Variants in SYTL3 observed in about 807,000 individuals in gnomAD.
SYTL3 encodes the protein synaptotagmin-like protein 3.
A neutral mutation model predicts 82.1 loss-of-function variants in SYTL3; 88 were observed. That is an observed-to-expected ratio of 1.07 (90% CI 0.90 to 1.28). The LOEUF is 1.28. Among genes scored for constraint, SYTL3 ranks in the 50% most tolerant of loss-of-function variants. The pLI is 0.00. For synonymous variants in SYTL3, 311 were observed against 289.4 expected, an observed-to-expected ratio of 1.07 and a Z score of -0.76; for missense variants, 831 against 757.6, an observed-to-expected ratio of 1.10 and a Z score of -1.14.
chr6:158,760,236 C>T (rs1381823127), intron 14 of SYTL3, among the ~76,000 whole-genome samples: 17 of 152,314 alleles, frequency 1.1e-4, no homozygotes, highest in Non-Finnish European at 1.5e-4. Context: ...TGTGCCAGTC[C>T]TTGGCATGGA....
chr6:158,761,536 C>T (rs1003448788), intron 15 of SYTL3, among the ~76,000 whole-genome samples: 28 of 152,148 alleles, frequency 1.8e-4, no homozygotes, highest in African/African-American at 6.7e-4. Context: ...TCTCGATCTC[C>T]TGACCTCATG....
In SYTL3 at chr6:158,751,990, A is replaced by G; in HGVS notation, c.1097A>G (p.Gln366Arg). 6.2e-7 allele frequency: 1 copy of G among 1,603,452 alleles called. No homozygotes were observed. The highest frequency in any genetic ancestry group is 8.5e-7 in the Non-Finnish European group (1 of 1,175,562). The part of the protein sequence containing the change: ...SSQGKRKTGV[Q>R]RNTVDPTFQE... ...CAGGGAAAGCGCAAGACTGGAGTCCAAAGGAACACCGTGGACCCGACCTTT... is the reference window on the plus strand; with the variant it reads ...CAGGGAAAGCGCAAGACTGGAGTCCGAAGGAACACCGTGGACCCGACCTTT... Residue 366 changes from glutamine (Q) to arginine (R), a missense_variant, in exon 13 of 18, where the codon CAA becomes CGA. Coordinates refer to ENST00000611299, the MANE Select transcript of SYTL3 (RefSeq NM_001242394.2).
At chr6:158,744,908 G>T (rs1308561347) in intron 11 of SYTL3, among the ~76,000 whole-genome samples, 1 of 152,066 alleles carries the variant, frequency 6.6e-6, no homozygotes, top group East Asian at 1.9e-4. Context: ...TTCATTTTAG[G>T]TAACCAGAAA....
Position 158,706,503 on chromosome 6 carries a change from C to T in SYTL3, c.395-727C>T, listed in dbSNP as rs73593023. 9.7e-3 allele frequency among the ~76,000 whole-genome samples: 1,480 copies of T among 152,182 alleles called. 23 individuals are homozygous for T. The highest frequency in any genetic ancestry group is 0.032 in the African/African-American group (1,332 of 41,496). On this transcript the variant is annotated intron_variant, in intron 6 of 17. Coordinates refer to ENST00000611299, the MANE Select transcript of SYTL3 (RefSeq NM_001242394.2). Reference sequence around the variant, plus strand: ...AGACTGCCTCCCAGGGTGGCAGGCCCGGTGTTCTGGTCTGTGTATTGGGCA... The same window carrying T: ...AGACTGCCTCCCAGGGTGGCAGGCCTGGTGTTCTGGTCTGTGTATTGGGCA...
intron 14 of SYTL3, among the ~76,000 whole-genome samples, chr6:158,757,949 G>T (rs1789362220): frequency 6.6e-6 from 1 of 152,194 alleles, no homozygotes; most frequent in African/African-American, 2.4e-5. Context: ...GCTGGGGGTG[G>T]GTCAGAGGAG....
intron 6 of SYTL3, among the ~76,000 whole-genome samples, chr6:158,696,750 C>T (rs957910771): frequency 6.6e-6 from 1 of 151,852 alleles, no homozygotes; most frequent in Admixed American, 6.6e-5. Context: ...AGCTGGAGGA[C>T]TCACGCTTCC....
At chr6:158,708,224 A>G (rs1054185455) in intron 7 of SYTL3, 98 bp from the exon 8 acceptor site, 6 of 1,120,612 alleles carry the variant, frequency 5.4e-6, no homozygotes, top group South Asian at 5.0e-5. Flanking sequence ...AAGGCGGAGA[A>G]CTAGAATTAT....
In SYTL3 at chr6:158,679,041, T is replaced by C. The variant is rs2128399880; in HGVS notation, c.330-3884T>C. On this transcript the variant is annotated intron_variant, in intron 5 of 17. Coordinates refer to ENST00000611299, the MANE Select transcript of SYTL3 (RefSeq NM_001242394.2). ...ACTACAGGATCTATCACCTCTATCA[T>C]AGACTCTAAGGGCAGTGAGTGGTCC... Among the ~76,000 whole-genome samples the C allele has an allele frequency of 1.3e-5, 2 of 152,248 alleles. 1 individual carries two copies. The highest frequency in any genetic ancestry group is 4.1e-4 in the South Asian group (2 of 4,822).
chr6:158,709,485 C>T (rs1174323090), intron 8 of SYTL3, among the ~76,000 whole-genome samples: 1 of 152,116 alleles, frequency 6.6e-6, no homozygotes, highest in African/African-American at 2.4e-5. Flanking sequence ...GTCAAACCAT[C>T]GTAAGTCAGG....
In SYTL3 at chr6:158,662,086, T is replaced by C. The variant is rs556870586; in HGVS notation, c.-519-664T>C. 5.3e-5 allele frequency among the ~76,000 whole-genome samples: 8 copies of C among 152,350 alleles called. No homozygotes were observed. The South Asian group carries it at 8.3e-4, about 16-fold the overall frequency. ...AGAGCTCTGTTAGCCTCTCATTCACTAATTTGCCATGGATCATAAATTAAT... is the reference window on the plus strand; with the variant it reads ...AGAGCTCTGTTAGCCTCTCATTCACCAATTTGCCATGGATCATAAATTAAT... On this transcript the variant is annotated intron_variant, in intron 3 of 17. Coordinates refer to ENST00000611299, the MANE Select transcript of SYTL3 (RefSeq NM_001242394.2).
chr6:158,684,475 A>G (rs1464608069), intron 6 of SYTL3, among the ~76,000 whole-genome samples: 1 of 151,816 alleles, frequency 6.6e-6, no homozygotes, highest in Non-Finnish European at 1.5e-5. Flanking sequence ...ATCAGGACAA[A>G]GGCGCACACA....
chr6:158,663,830 CCT>C (rs989244747), intron 4 of SYTL3, among the ~76,000 whole-genome samples: 12 of 152,000 alleles, frequency 7.9e-5, no homozygotes, highest in Non-Finnish European at 4.4e-5. Flanking sequence ...GGAATCCAGC[CCT>C]GTCTTTTTTT....
At chr6:158,693,086 A>G (rs990284954) in intron 6 of SYTL3, among the ~76,000 whole-genome samples, 1 of 152,226 alleles carries the variant, frequency 6.6e-6, no homozygotes, top group African/African-American at 2.4e-5. Flanking sequence ...GGATTCCACA[A>G]GGATGATTCT....
chr6:158,743,031 G>T (rs892354629), intron 11 of SYTL3, among the ~76,000 whole-genome samples: 1 of 152,176 alleles, frequency 6.6e-6, no homozygotes, highest in Admixed American at 6.5e-5. Context: ...TGACTTCGTA[G>T]CCTTGAATGC....
chr6:158,761,301 CTTTTTTT>C (rs11463987), intron 15 of SYTL3, among the ~76,000 whole-genome samples: 6 of 93,888 alleles, frequency 6.4e-5, no homozygotes, highest in South Asian at 3.6e-4. Flanking sequence ...ATGCACATTT[CTTTTTTT>C]TTTTTTTTTT....
intron 13 of SYTL3, among the ~76,000 whole-genome samples, chr6:158,754,448 T>C (rs3127227): frequency 0.57 from 87,016 of 152,082 alleles, 26,107 homozygotes; most frequent in African/African-American, 0.7. Flanking sequence ...AGGCTGGGTG[T>C]GGTGGCTCAC....
intron 6 of SYTL3, among the ~76,000 whole-genome samples, chr6:158,702,844 G>C (rs2128444828): frequency 6.6e-6 from 1 of 151,884 alleles, no homozygotes; most frequent in South Asian, 2.1e-4. Context: ...CCTTATCCCT[G>C]AGCCTCGCTT....
At chr6:158,693,848 T>G (rs1472225869) in intron 6 of SYTL3, among the ~76,000 whole-genome samples, 1 of 82,872 alleles carries the variant, frequency 1.2e-5, no homozygotes, top group Non-Finnish European at 2.3e-5. Context: ...GCCTTTCTTT[T>G]TCTTTTCTTT....
At chr6:158,700,151 G>A (rs1367629110) in intron 6 of SYTL3, among the ~76,000 whole-genome samples, 1 of 152,066 alleles carries the variant, frequency 6.6e-6, no homozygotes, top group Non-Finnish European at 1.5e-5. Context: ...AGCTACTTGG[G>A]AGGCTGAGGC....
Sources: gnomAD v4.1 joint callset for allele counts (sites outside exome capture counted in the v4.1 genomes callset) on GRCh38, gnomAD v4.1.1 for gene constraint, MANE v1.5 for transcripts, NCBI Gene and HGNC (gene_info 2026-07-23, HGNC 2026-07-21) for gene names.